The following OPCML variants were observed in gnomAD, a reference collection of about 807,000 sequenced individuals.
OPCML encodes the protein opioid-binding protein/cell adhesion molecule.
A neutral mutation model predicts 37.8 loss-of-function variants in OPCML; 13 were observed. That is an observed-to-expected ratio of 0.34 (90% CI 0.22 to 0.55). OPCML has a LOEUF of 0.55. Ranked by LOEUF, OPCML falls within the 20% of genes least tolerant of loss-of-function variation. The pLI is 0.91. For synonymous variants in OPCML, 176 were observed against 168.8 expected (o/e 1.04, Z -0.33); for missense variants, 341 against 435.6 (o/e 0.78, Z 1.93).
intron 1 of OPCML, among the ~76,000 whole-genome samples, chr11:133,108,403 A>G (rs957388890): frequency 1.3e-5 from 2 of 152,118 alleles, no homozygotes; most frequent in African/African-American, 2.4e-5. Context: ...GTCTAAACAT[A>G]CCTAACGCAA....
In OPCML at chr11:132,417,691, A is replaced by G. The variant is rs1221994201; in HGVS notation, c.*2502T>C. On this transcript the variant is annotated 3_prime_UTR_variant, in exon 8 of 8. Coordinates refer to ENST00000524381, the MANE Select transcript of OPCML (RefSeq NM_001012393.5). ...CTCTTCACAGCCTTCACATTTATTC[A>G]ACTCCAAAGTAACAAATTTATCATC... 1 of 152,190 alleles carries G rather than the reference A, an allele frequency of 6.6e-6. No individual in the cohort carries two copies. Among genetic ancestry groups the G allele is most frequent in the Non-Finnish European group, 1.5e-5 (1 of 68,040 alleles). The allele number at this position is 152,190 out of a possible 1,614,324, so 9.4% of individuals were successfully genotyped here.
intron 2 of OPCML, among the ~76,000 whole-genome samples, chr11:132,724,810 G>A (rs1944817714): frequency 6.6e-6 from 1 of 152,174 alleles, no homozygotes; most frequent in Non-Finnish European, 1.5e-5. Flanking sequence ...AGGGGCTACA[G>A]GCCCCATGCA....
At chr11:133,482,377 C>A (rs1454716886) in intron 1 of OPCML, among the ~76,000 whole-genome samples, 1 of 152,286 alleles carries the variant, frequency 6.6e-6, no homozygotes, top group Middle Eastern at 3.4e-3. Context: ...ATCTGGTTCA[C>A]CGGTTTCATA....
At chr11:132,594,466 T>C (rs1172984059) in intron 3 of OPCML, among the ~76,000 whole-genome samples, 1 of 152,164 alleles carries the variant, frequency 6.6e-6, no homozygotes, top group African/African-American at 2.4e-5. Context: ...ATGTATATAT[T>C]TAAAATATAT....
At chr11:133,157,787 T>C (rs1950082883) in intron 1 of OPCML, among the ~76,000 whole-genome samples, 1 of 152,244 alleles carries the variant, frequency 6.6e-6, no homozygotes, top group South Asian at 2.1e-4. Flanking sequence ...TGTGTCCACC[T>C]AGCCTGCTAA....
chr11:132,852,916 AAAAG>A (rs1176873791), intron 2 of OPCML, among the ~76,000 whole-genome samples: 71 of 152,210 alleles, frequency 4.7e-4, no homozygotes, highest in African/African-American at 1.7e-3. Context: ...AAAAAAAAAA[AAAAG>A]AAGAAGATTT....
At chr11:133,030,980 T>C (rs1469725200) in intron 1 of OPCML, among the ~76,000 whole-genome samples, 1 of 152,198 alleles carries the variant, frequency 6.6e-6, no homozygotes, top group Admixed American at 6.5e-5. Flanking sequence ...GTTTTTACTG[T>C]TTCTTCGTGT....
chr11:133,484,138 TGATAGATG>T (rs1466815995), intron 1 of OPCML, among the ~76,000 whole-genome samples: 2 of 141,520 alleles, frequency 1.4e-5, no homozygotes, highest in African/African-American at 2.8e-5. Flanking sequence ...GATAGATAGA[TGATAGATG>T]GATAGATAGA....
intron 2 of OPCML, among the ~76,000 whole-genome samples, chr11:132,849,334 T>C (rs1030542901): frequency 6.6e-6 from 1 of 152,148 alleles, no homozygotes; most frequent in Non-Finnish European, 1.5e-5. Flanking sequence ...GCCTATGCGG[T>C]TTCCTCACCT....
At chr11:132,929,350 TG>T (rs965566321) in intron 2 of OPCML, among the ~76,000 whole-genome samples, 2 of 152,050 alleles carry the variant, frequency 1.3e-5, no homozygotes, top group African/African-American at 4.8e-5. Flanking sequence ...CTAGATAAAA[TG>T]GCCAAATTTC....
intron 2 of OPCML, among the ~76,000 whole-genome samples, chr11:132,921,292 A>G (rs989778528): frequency 6.6e-6 from 1 of 152,194 alleles, no homozygotes; most frequent in Non-Finnish European, 1.5e-5. Flanking sequence ...GCCACGACGC[A>G]GTGAATGCAA....
intron 1 of OPCML, among the ~76,000 whole-genome samples, chr11:133,529,463 G>A (rs143358294): frequency 6.6e-6 from 1 of 152,214 alleles, no homozygotes. Context: ...TTGGCCACGG[G>A]CCCTCTGCCC....
intron 1 of OPCML, among the ~76,000 whole-genome samples, chr11:133,317,573 T>C (rs139242165): frequency 6.6e-6 from 1 of 152,330 alleles, no homozygotes; most frequent in Non-Finnish European, 1.5e-5. Flanking sequence ...CAGAAGTTGT[T>C]GTCGTAGTAG....
chr11:133,359,630 C>A (rs1329344202), intron 1 of OPCML, among the ~76,000 whole-genome samples: 2 of 152,164 alleles, frequency 1.3e-5, no homozygotes, highest in African/African-American at 4.8e-5. Context: ...TAAATAAGTA[C>A]ACTGCTATTT....
At chr11:132,886,549 G>A (rs1417959079) in intron 2 of OPCML, among the ~76,000 whole-genome samples, 2 of 152,238 alleles carry the variant, frequency 1.3e-5, no homozygotes, top group Non-Finnish European at 2.9e-5. Flanking sequence ...TTTCAGGCAG[G>A]TGGCTCCTCC....
chr11:132,619,084 T>G (rs1939236507), intron 3 of OPCML, among the ~76,000 whole-genome samples: 2 of 152,070 alleles, frequency 1.3e-5, no homozygotes, highest in African/African-American at 4.8e-5. Flanking sequence ...TCTGGAGCTC[T>G]CACCATAGCT....
At chr11:132,519,795 A>G (rs1029916867) in intron 4 of OPCML, among the ~76,000 whole-genome samples, 1 of 152,116 alleles carries the variant, frequency 6.6e-6, no homozygotes, top group Non-Finnish European at 1.5e-5. Context: ...CCAGGGATTA[A>G]TTAGGCTCTA....
chr11:132,457,330 G>T (rs1321659199), intron 4 of OPCML, among the ~76,000 whole-genome samples: 1 of 152,178 alleles, frequency 6.6e-6, no homozygotes, highest in Non-Finnish European at 1.5e-5. Flanking sequence ...CAAGTGGTGA[G>T]ACATCTACTC....
intron 1 of OPCML, among the ~76,000 whole-genome samples, chr11:133,000,911 G>A (rs1029528986): frequency 6.6e-6 from 1 of 152,158 alleles, no homozygotes; most frequent in Non-Finnish European, 1.5e-5. Context: ...GGTTTCCTGT[G>A]AGATCCAGTT....
Sources: allele counts gnomAD v4.1 joint callset (sites outside exome capture counted in the v4.1 genomes callset), GRCh38; gene constraint gnomAD v4.1.1; transcripts MANE v1.5; gene names NCBI Gene and HGNC (gene_info 2026-07-23, HGNC 2026-07-21).